CPNE5: variants seen among roughly 807,000 people sequenced by gnomAD.
The protein encoded by CPNE5 is copine 5.
Under a neutral mutation model 81.1 loss-of-function variants are expected in CPNE5, and 42 were observed. The ratio of observed to expected loss-of-function variants is 0.52; its 90% CI spans 0.40 to 0.67. CPNE5 has a LOEUF of 0.67. CPNE5 is among the 30% of genes least tolerant of loss of function. CPNE5 has a pLI of 0.00. For synonymous variants in CPNE5, 313 were observed against 321.5 expected (o/e 0.97, Z 0.28); for missense variants, 612 against 815.5 (o/e 0.75, Z 3.04).
At chr6:36,780,544 A>G (rs1377324180) in intron 8 of CPNE5, among the ~76,000 whole-genome samples, 2 of 152,218 alleles carry the variant, frequency 1.3e-5, no homozygotes. Flanking sequence ...GGCAGTGCCC[A>G]TCTCATAGGC....
At chr6:36,744,394 T>C in intron 18 of CPNE5, 69 bp from the exon 19 acceptor site, 3 of 1,228,898 alleles carry the variant, frequency 2.4e-6, no homozygotes, top group Non-Finnish European at 3.5e-6. Flanking sequence ...GAAGGAGAAA[T>C]CAGGGGTAGG....
intron 7 of CPNE5, chr6:36,792,374 T>C: frequency 6.7e-7 from 1 of 1,490,986 alleles, no homozygotes; most frequent in Non-Finnish European, 8.9e-7. Flanking sequence ...AGTCCTAGAA[T>C]TGGAAAAGCA....
chr6:36,760,279 C>G (rs1235826125), intron 12 of CPNE5, among the ~76,000 whole-genome samples: 5 of 151,792 alleles, frequency 3.3e-5, no homozygotes, highest in Non-Finnish European at 7.4e-5. Context: ...AACAGCATCC[C>G]AAATGAAAGA....
chr6:36,743,648 C>A, intron 20 of CPNE5, 41 bp downstream of exon 20: 1 of 1,584,946 alleles, frequency 6.3e-7, no homozygotes, highest in Non-Finnish European at 8.7e-7. Flanking sequence ...GCTAGAGGGG[C>A]TCTTGAATTT....
At chr6:36,753,569 T>C (rs1765077381) in intron 13 of CPNE5, among the ~76,000 whole-genome samples, 1 of 152,248 alleles carries the variant, frequency 6.6e-6, no homozygotes, top group African/African-American at 2.4e-5. Context: ...TGCCTAGAGC[T>C]ATTAGTCCTG....
intron 1 of CPNE5, chr6:36,838,865 G>C (rs1210004654): frequency 6.4e-5 from 24 of 375,866 alleles, no homozygotes; most frequent in South Asian, 2.2e-4. Context: ...AAGAGAGGAG[G>C]GCACAGAAGG....
intron 8 of CPNE5, among the ~76,000 whole-genome samples, chr6:36,782,747 T>C (rs1374186670): frequency 6.6e-6 from 1 of 151,288 alleles, no homozygotes; most frequent in Non-Finnish European, 1.5e-5. Context: ...TGAGCCGAGA[T>C]TGCGCCACTA....
chr6:36,742,616 C>T, intron 20 of CPNE5, 130 bp from the exon 21 acceptor site: 1 of 1,448,236 alleles, frequency 6.9e-7, no homozygotes, highest in Admixed American at 2.5e-5. Context: ...CCCCACCTTT[C>T]TGAATTACCT....
chr6:36,799,978 G>A lies in CPNE5; in HGVS notation c.276C>T (p.Leu92=), dbSNP rs928567149. 2 of 1,612,502 alleles carry A rather than the reference G, an allele frequency of 1.2e-6. No homozygotes were observed. Among genetic ancestry groups the A allele is most frequent in the Non-Finnish European group, 1.7e-6 (2 of 1,178,548 alleles). Residue 92 remains leucine (L), a synonymous_variant, in exon 4 of 21, where the codon CTC becomes CTT. Coordinates refer to ENST00000244751, the MANE Select transcript of CPNE5 (RefSeq NM_020939.2). Reference sequence around the variant, plus strand: ...CATCTTCCACTTACAGATCAAAACGGAGGTTCTGCTTCTCCTCGAAAAAGT... The same window carrying A: ...CATCTTCCACTTACAGATCAAAACGAAGGTTCTGCTTCTCCTCGAAAAAGT... ...VDYFFEEKQN[L]RFDLYDVDSK...
At chr6:36,829,838 G>A (rs1177596585) in intron 1 of CPNE5, among the ~76,000 whole-genome samples, 4 of 131,976 alleles carry the variant, frequency 3.0e-5, no homozygotes, top group Admixed American at 1.6e-4. Flanking sequence ...AAAAAGTTGA[G>A]TGTAGGAATT....
At chr6:36,768,692 C>T (rs1165093427) in intron 10 of CPNE5, among the ~76,000 whole-genome samples, 2 of 152,188 alleles carry the variant, frequency 1.3e-5, no homozygotes, top group Non-Finnish European at 2.9e-5. Context: ...CCCAAGAGAA[C>T]AGGCTTATTG....
chr6:36,785,592 G>A (rs1185613442), intron 8 of CPNE5, among the ~76,000 whole-genome samples: 1 of 152,098 alleles, frequency 6.6e-6, no homozygotes, highest in Non-Finnish European at 1.5e-5. Flanking sequence ...TTTAAAGCCA[G>A]GAACAGTGGC....
chr6:36,781,733 GC>G (rs1452458523), intron 8 of CPNE5, among the ~76,000 whole-genome samples: 1 of 152,184 alleles, frequency 6.6e-6, no homozygotes, highest in Non-Finnish European at 1.5e-5. Flanking sequence ...AAAACGTGGG[GC>G]CCCCTGTTCA....
intron 11 of CPNE5, 64 bp from the exon 12 acceptor site, chr6:36,763,056 C>A: frequency 7.1e-7 from 1 of 1,407,540 alleles, no homozygotes; most frequent in Non-Finnish European, 1.0e-6. Context: ...CCAGCCCCAG[C>A]CTTGCACACA....
intron 3 of CPNE5, 109 bp from the exon 4 acceptor site, chr6:36,800,179 A>T (rs1230911363): frequency 1.5e-6 from 1 of 679,866 alleles, no homozygotes; most frequent in African/African-American, 1.8e-5. Flanking sequence ...TCTGGCAGTT[A>T]TGAAAGCCCT....
At chr6:36,809,615 CA>C (rs1490263846) in intron 3 of CPNE5, among the ~76,000 whole-genome samples, 1 of 151,780 alleles carries the variant, frequency 6.6e-6, no homozygotes, top group Non-Finnish European at 1.5e-5. Flanking sequence ...AAAGCCAAAA[CA>C]ACAACCAAAA....
intron 8 of CPNE5, among the ~76,000 whole-genome samples, chr6:36,789,406 G>A (rs16889143): frequency 0.042 from 6,408 of 152,250 alleles, 232 homozygotes; most frequent in East Asian, 0.12. Context: ...TGTCTAGAGC[G>A]TTAGAATTTC....
At chr6:36,824,441 G>A (rs564169540) in intron 1 of CPNE5, among the ~76,000 whole-genome samples, 1 of 152,286 alleles carries the variant, frequency 6.6e-6, no homozygotes, top group Non-Finnish European at 1.5e-5. Context: ...TGCCTGTGCG[G>A]CTACTCCTGC....
chr6:36,788,599 G>A (rs1418565532), intron 8 of CPNE5, among the ~76,000 whole-genome samples: 1 of 123,694 alleles, frequency 8.1e-6, no homozygotes, highest in Admixed American at 7.8e-5. Flanking sequence ...TAAATAAGAG[G>A]GTCTCGGTAA....
Sources: allele counts gnomAD v4.1 joint callset (sites outside exome capture counted in the v4.1 genomes callset), GRCh38; gene constraint gnomAD v4.1.1; transcripts MANE v1.5; gene names NCBI Gene and HGNC (gene_info 2026-07-23, HGNC 2026-07-21).